The following ST3GAL1 variants were observed in gnomAD, a reference collection of about 807,000 sequenced individuals.
ST3GAL1 encodes the protein ST3 beta-galactoside alpha-2,3-sialyltransferase 1.
In ST3GAL1, 16 loss-of-function variants were observed where a neutral mutation model predicts 34.1. The observed-to-expected ratio is 0.47, with a 90% CI of 0.32 to 0.71. The LOEUF is 0.71. Among genes scored for constraint, ST3GAL1 ranks in the 30% least tolerant of loss-of-function variants. ST3GAL1 has a pLI of 0.04. For missense variants in ST3GAL1, 353 were observed against 447.4 expected (o/e 0.79, Z 1.90); for synonymous variants, 191 against 184.7 (o/e 1.03, Z -0.28).
At chr8:133,482,314 GC>G (rs2130957639) in intron 3 of ST3GAL1, among the ~76,000 whole-genome samples, 1 of 152,274 alleles carries the variant, frequency 6.6e-6, no homozygotes, top group South Asian at 2.1e-4. Flanking sequence ...AGAAGTCACA[GC>G]ATCTTTTCTT....
chr8:133,465,367 T>G (rs1314831769), intron 6 of ST3GAL1, among the ~76,000 whole-genome samples: 2 of 152,070 alleles, frequency 1.3e-5, no homozygotes, highest in Non-Finnish European at 2.9e-5. Flanking sequence ...CAGGAGAGAC[T>G]ATTCTAGAAG....
chr8:133,491,506 T>G (rs769219350), intron 3 of ST3GAL1, among the ~76,000 whole-genome samples: 3 of 152,182 alleles, frequency 2.0e-5, no homozygotes, highest in South Asian at 2.1e-4. Flanking sequence ...GCTGGAGGTG[T>G]GGCCGCTCTG....
At chr8:133,554,239 C>A (rs566248070) in intron 1 of ST3GAL1, among the ~76,000 whole-genome samples, 9 of 152,264 alleles carry the variant, frequency 5.9e-5, no homozygotes, top group Admixed American at 2.0e-4. Context: ...ATCACCTGCC[C>A]AAAGTCACCA....
At chr8:133,515,273 A>G (rs1817610274) in intron 2 of ST3GAL1, among the ~76,000 whole-genome samples, 1 of 152,098 alleles carries the variant, frequency 6.6e-6, no homozygotes, top group Non-Finnish European at 1.5e-5. Flanking sequence ...GCTTTGTCCT[A>G]CTGCTTTCTC....
chr8:133,520,842 G>C lies in ST3GAL1; in HGVS notation c.-428-21653C>G, dbSNP rs530964772. 2.0e-5 allele frequency among the ~76,000 whole-genome samples: 3 copies of C among 149,690 alleles called. No homozygotes were observed. In the East Asian group the frequency reaches 5.9e-4, roughly 29 times the overall value. On this transcript the variant is annotated intron_variant, in intron 2 of 9. Coordinates refer to ENST00000522652, the MANE Select transcript of ST3GAL1 (RefSeq NM_173344.3). ...GCTAAAGTGCTATGGTGCGATTCCAGCTCACTGCAACCTCTGCCTCCCAGG... is the reference window on the plus strand; with the variant it reads ...GCTAAAGTGCTATGGTGCGATTCCACCTCACTGCAACCTCTGCCTCCCAGG...
rs542713645 is a variant in ST3GAL1, at chr8:133,549,182, C to T, written c.-581-3256G>A. ...TTGGGAGGCCGAGGTGGGTGGATCA[C>T]CTGAGGTTGGGAGATTGAGACCAGC... On this transcript the variant is annotated intron_variant, in intron 1 of 9. Coordinates refer to ENST00000522652, the MANE Select transcript of ST3GAL1 (RefSeq NM_173344.3). Among the ~76,000 whole-genome samples, 9 of 152,206 alleles carry T rather than the reference C, an allele frequency of 5.9e-5. No homozygotes were observed. The South Asian group carries it at 1.7e-3, about 28-fold the overall frequency.
chr8:133,540,886 T>TATATATAGAGACAC (rs1406244082), intron 2 of ST3GAL1, among the ~76,000 whole-genome samples: 1 of 101,900 alleles, frequency 9.8e-6, no homozygotes, highest in Non-Finnish European at 1.9e-5. Flanking sequence ...TATAGAGACA[T>TATATATAGAGACAC]ATATATAGAC....
At chr8:133,529,128 G>A (rs539300753) in intron 2 of ST3GAL1, among the ~76,000 whole-genome samples, 38 of 152,306 alleles carry the variant, frequency 2.5e-4, no homozygotes, top group African/African-American at 5.5e-4. Context: ...CCAGGCATAC[G>A]GGGCTCGCGG....
At chr8:133,510,824 T>C (rs1210104089) in intron 2 of ST3GAL1, among the ~76,000 whole-genome samples, 3 of 152,188 alleles carry the variant, frequency 2.0e-5, no homozygotes, top group Non-Finnish European at 4.4e-5. Flanking sequence ...CTGTACCCCA[T>C]GGTGGCCACC....
chr8:133,540,405 G>A (rs1225277541), intron 2 of ST3GAL1, among the ~76,000 whole-genome samples: 1 of 152,162 alleles, frequency 6.6e-6, no homozygotes, highest in Non-Finnish European at 1.5e-5. Flanking sequence ...GTTGTTGGAG[G>A]AAATGCTTTA....
intron 2 of ST3GAL1, among the ~76,000 whole-genome samples, chr8:133,514,009 G>T (rs1186816189): frequency 2.0e-5 from 3 of 152,162 alleles, no homozygotes; most frequent in African/African-American, 7.2e-5. Context: ...TTCAGCCCAT[G>T]TCGGGCACCT....
chr8:133,463,950 G>A (rs1436252659), intron 7 of ST3GAL1, among the ~76,000 whole-genome samples: 1 of 152,066 alleles, frequency 6.6e-6, no homozygotes, highest in African/African-American at 2.4e-5. Flanking sequence ...TCTGGACCTG[G>A]GTCCCACCCC....
At chr8:133,552,734 A>T (rs906800183) in intron 1 of ST3GAL1, among the ~76,000 whole-genome samples, 5 of 152,176 alleles carry the variant, frequency 3.3e-5, no homozygotes, top group African/African-American at 9.7e-5. Flanking sequence ...AACACATGGG[A>T]TCTCTCATAA....
At chr8:133,498,235 G>T (rs557453078) in intron 3 of ST3GAL1, among the ~76,000 whole-genome samples, 122 of 152,360 alleles carry the variant, frequency 8.0e-4, no homozygotes, top group African/African-American at 2.7e-3. Flanking sequence ...GTGCCTGCTG[G>T]GAGCAGTGGT....
chr8:133,492,843 G>T (rs1466402322), intron 3 of ST3GAL1, among the ~76,000 whole-genome samples: 1 of 152,208 alleles, frequency 6.6e-6, no homozygotes, highest in Non-Finnish European at 1.5e-5. Flanking sequence ...CCACCTCGGG[G>T]AGCGTCCATG....
chr8:133,524,145 G>A (rs182180348), intron 2 of ST3GAL1, among the ~76,000 whole-genome samples: 109 of 152,214 alleles, frequency 7.2e-4, no homozygotes, highest in African/African-American at 2.4e-3. Flanking sequence ...CTTGACTCTC[G>A]CTGGCCCTCT....
Position 133,469,125 on chromosome 8 carries a change from T to A in ST3GAL1, c.307-3035A>T, listed in dbSNP as rs759070611. On this transcript the variant is annotated intron_variant, in intron 5 of 9. Transcript: ENST00000522652. This position sits in a 1 kb window ranked among gnomAD's most constrained non-coding sequence, Gnocchi z 4.3. ...GGACGTGTGTGGAGAGTATGCTGCC[T>A]GCTTCACACAGCACCACATCATCCT... is the stretch of plus-strand genomic sequence containing the variant. Among the ~76,000 whole-genome samples, 2 of 152,238 alleles carry A rather than the reference T, an allele frequency of 1.3e-5. No individual in the cohort carries two copies. Among genetic ancestry groups the A allele is most frequent in the South Asian group, 4.1e-4 (2 of 4,830 alleles).
At chr8:133,566,094 C>T (rs1009825206) in intron 1 of ST3GAL1, among the ~76,000 whole-genome samples, 7 of 152,214 alleles carry the variant, frequency 4.6e-5, no homozygotes, top group Non-Finnish European at 8.8e-5. Flanking sequence ...TATGCTGCCC[C>T]CCACCTCCCC....
At chr8:133,545,196 C>T (rs1032945004) in intron 2 of ST3GAL1, among the ~76,000 whole-genome samples, 1 of 152,264 alleles carries the variant, frequency 6.6e-6, no homozygotes, top group African/African-American at 2.4e-5. Context: ...CCAGAGGTTG[C>T]AACACCTTTT....
Sources: allele counts gnomAD v4.1 joint callset (sites outside exome capture counted in the v4.1 genomes callset), GRCh38; gene constraint gnomAD v4.1.1; non-coding constraint Gnocchi (gnomAD v3.1); transcripts MANE v1.5; gene names NCBI Gene and HGNC (gene_info 2026-07-23, HGNC 2026-07-21).